PITRM1: variants seen among roughly 807,000 people sequenced by gnomAD.
PITRM1 encodes pitrilysin metallopeptidase 1.
PITRM1 carries 100 observed loss-of-function variants against 129.9 expected under a neutral mutation model. The observed-to-expected ratio is 0.77, with a 90% confidence interval of 0.65 to 0.91. PITRM1 has a LOEUF of 0.91. PITRM1 is among the 40% of genes least tolerant of loss of function. The pLI, the probability that PITRM1 is intolerant of heterozygous loss-of-function variation, is 0.00. For missense variants in PITRM1, 1,471 were observed against 1,318.3 expected (o/e 1.12, Z -1.79); for synonymous variants, 591 against 508.8 (o/e 1.16, Z -2.17).
chr10:3,140,958 T>TAAA (rs1840128675), intron 23 of PITRM1, 146 bp from the exon 24 acceptor site: 1 of 743,282 alleles, frequency 1.3e-6, no homozygotes, highest in Admixed American at 2.5e-5. Context: ...TCTTGTTTTT[T>TAAA]AAGAGATGGG....
intron 14 of PITRM1, among the ~76,000 whole-genome samples, chr10:3,154,796 C>A (rs967564494): frequency 2.6e-5 from 4 of 151,994 alleles, no homozygotes; most frequent in Non-Finnish European, 5.9e-5. Flanking sequence ...CCATTTGGGT[C>A]CCCTTCTCTC....
intron 5 of PITRM1, 26 bp from the exon 6 acceptor site, chr10:3,165,360 T>C: frequency 6.3e-7 from 1 of 1,598,786 alleles, no homozygotes; most frequent in Non-Finnish European, 8.5e-7. Context: ...TATAAGCTGA[T>C]AGTGACTCAA....
chr10:3,153,519 T>C (rs910478902), intron 14 of PITRM1, among the ~76,000 whole-genome samples: 3 of 151,850 alleles, frequency 2.0e-5, no homozygotes, highest in Non-Finnish European at 4.4e-5. Context: ...CTTGGGAGGC[T>C]GAGGCGAGAA....
intron 2 of PITRM1, among the ~76,000 whole-genome samples, chr10:3,169,893 G>A (rs1346749756): frequency 6.6e-6 from 1 of 152,202 alleles, no homozygotes; most frequent in Non-Finnish European, 1.5e-5. Flanking sequence ...ACAAGAACCA[G>A]GCTTTGCGGG....
intron 25 of PITRM1, 145 bp downstream of exon 25, chr10:3,138,759 G>A (rs2279216): frequency 0.25 from 203,861 of 831,298 alleles, 27,138 homozygotes; most frequent in Non-Finnish European, 0.29. Context: ...GCGTGTTTAG[G>A]GTGTCAGACG....
intron 23 of PITRM1, chr10:3,141,884 C>T (rs1460650487): frequency 4.4e-6 from 1 of 226,062 alleles, no homozygotes; most frequent in African/African-American, 2.3e-5. Context: ...GGCTGGGGCG[C>T]CGTCAGCCGG....
chr10:3,138,042 TC>T lies in PITRM1; in HGVS notation c.3102del (p.Trp1034Ter). 1 of 1,604,690 alleles carries T rather than the reference TC, an allele frequency of 6.2e-7. No individual in the cohort carries two copies. The highest frequency in any genetic ancestry group is 8.5e-7 in the Non-Finnish European group (1 of 1,175,080). On this transcript the variant is annotated frameshift_variant, in exon 27 of 27. Coordinates refer to ENST00000224949, the MANE Select transcript of PITRM1 (RefSeq NM_014889.4). LOFTEE classifies it high-confidence loss of function. ...AGCGCCACGGCTGCTCATTGGATGA[TC>T]CAGGATGGGTCCTTGGCAATTTTCG... ...ENPKIAKDPS[W>X]IIQ is the part of the protein sequence containing the mutation.
chr10:3,159,778 T>C (rs1842287236), intron 9 of PITRM1, 70 bp downstream of exon 9: 2 of 896,668 alleles, frequency 2.2e-6, no homozygotes, highest in Admixed American at 4.0e-5. Flanking sequence ...AGAACTCACT[T>C]CCGAACCTTC....
chr10:3,147,614 C>G lies in PITRM1; in HGVS notation c.2193G>C (p.Thr731=). The part of the protein sequence containing the change: ...YASIRAGRTL[T]PAGDLQETFS... ...AGGTCTCCTGCAGGTCCCCTGCGGG[C>G]GTGAGGGTCCGGCCTGCCCTGATGG... Residue 731 remains threonine (T), a synonymous_variant, in exon 19 of 27, where the codon ACG becomes ACC. Coordinates refer to ENST00000224949, the MANE Select transcript of PITRM1 (RefSeq NM_014889.4). 6.2e-7 allele frequency: 1 copy of G among 1,614,026 alleles called. No homozygotes were observed. Among genetic ancestry groups the G allele is most frequent in the South Asian group, 1.1e-5 (1 of 91,084 alleles).
intron 1 of PITRM1, among the ~76,000 whole-genome samples, chr10:3,171,936 ATTTAT>A (rs1344555104): frequency 2.6e-5 from 4 of 152,350 alleles, no homozygotes; most frequent in African/African-American, 9.6e-5. Context: ...CCACCGAAAT[ATTTAT>A]TTTAAAGATA....
chr10:3,164,050 G>A, intron 6 of PITRM1, 165 bp from the exon 7 acceptor site: 1 of 399,234 alleles, frequency 2.5e-6, no homozygotes, highest in East Asian at 4.4e-5. Context: ...CACCCACGCA[G>A]GCATTGTTTA....
intron 16 of PITRM1, chr10:3,149,391 A>T: frequency 5.3e-6 from 2 of 377,278 alleles, no homozygotes; most frequent in Non-Finnish European, 9.4e-6. Context: ...ATGGAGATCT[A>T]TAAGTATCTC....
intron 21 of PITRM1, chr10:3,145,109 A>C (rs1840715197): frequency 6.4e-6 from 1 of 156,652 alleles, no homozygotes; most frequent in Non-Finnish European, 1.4e-5. Context: ...CCAACGGAGA[A>C]GACATGAGCG....
At chr10:3,140,654 G>A (rs375335975) in intron 24 of PITRM1, 33 bp downstream of exon 24, 36 of 1,573,890 alleles carry the variant, frequency 2.3e-5, no homozygotes, top group Non-Finnish European at 2.9e-5. Context: ...AACGACGTGT[G>A]CATCCCAATG....
intron 11 of PITRM1, among the ~76,000 whole-genome samples, chr10:3,157,785 G>C (rs965079229): frequency 6.6e-6 from 1 of 152,208 alleles, no homozygotes; most frequent in Admixed American, 6.5e-5. Context: ...AATGCAGTGA[G>C]CTGAGATCAC....
chr10:3,164,373 T>C (rs1842696684), intron 6 of PITRM1: 1 of 152,440 alleles, frequency 6.6e-6, no homozygotes, highest in African/African-American at 2.4e-5. Context: ...ACAGACAGGT[T>C]GTCCAAGTCA....
At chr10:3,164,841 G>A (rs1460189037) in intron 6 of PITRM1, among the ~76,000 whole-genome samples, 1 of 152,204 alleles carries the variant, frequency 6.6e-6, no homozygotes, top group African/African-American at 2.4e-5. Flanking sequence ...TGTAGCGTCT[G>A]GCTCAGAGGT....
rs750476887 is a variant in PITRM1 at position 3,140,717 on chromosome 10, T to C, written c.2741A>G (p.His914Arg). 16 of 1,598,958 alleles carry C rather than the reference T, an allele frequency of 1.0e-5. No individual in the cohort carries two copies. The highest frequency in any genetic ancestry group is 1.4e-5 in the Non-Finnish European group (16 of 1,172,308). The change falls in exon 24 of 27, where the codon CAC becomes CGC. Residue 914 changes from histidine (H) to arginine (R), a missense_variant. By Grantham distance (29) the His-to-Arg change is conservative. Coordinates refer to ENST00000224949, the MANE Select transcript of PITRM1 (RefSeq NM_014889.4). ...GAYGGGAKLS[H>R]NGIFTLYSYR... ...AGAGTAAAGGGTGAAAATCCCATTGTGGCTGAGTTTTGCGCCTCCACCATA... is the reference window on the plus strand; with the variant it reads ...AGAGTAAAGGGTGAAAATCCCATTGCGGCTGAGTTTTGCGCCTCCACCATA...
rs75682429 is a variant in PITRM1, at chr10:3,168,848, A to G, written c.159+1256T>C. Among the ~76,000 whole-genome samples the G allele has an allele frequency of 5.4e-3, 818 of 151,960 alleles. 9 individuals carry two copies. Among genetic ancestry groups the G allele is most frequent in the African/African-American group, 0.019 (777 of 41,482 alleles). Reference sequence around the variant, plus strand: ...TTCATAGCAGTGTGAGACTAGACTAATACACAAGCAAAAGGATTGCTTGAA... The same window carrying G: ...TTCATAGCAGTGTGAGACTAGACTAGTACACAAGCAAAAGGATTGCTTGAA... On this transcript the variant is annotated intron_variant, in intron 2 of 26. Transcript: ENST00000224949.
Sources: gnomAD v4.1 joint callset for allele counts (sites outside exome capture counted in the v4.1 genomes callset) on GRCh38, gnomAD v4.1.1 for gene constraint, MANE v1.5 for transcripts, NCBI Gene and HGNC (gene_info 2026-07-23, HGNC 2026-07-21) for gene names.